CTNNA3: variants seen among roughly 807,000 people sequenced by gnomAD.
The protein encoded by CTNNA3 is catenin alpha 3, also known as catenin alpha-3.
CTNNA3 carries 76 observed loss-of-function variants against 95.7 expected under a neutral mutation model. The observed-to-expected ratio is 0.79, with a 90% CI of 0.66 to 0.96. The LOEUF is 0.96. CTNNA3 is among the 40% of genes least tolerant of loss of function. The pLI is 0.00. For synonymous variants in CTNNA3, 431 were observed against 374.4 expected, an observed-to-expected ratio of 1.15 and a Z score of -1.74; for missense variants, 1,191 against 1,089.8, an observed-to-expected ratio of 1.09 and a Z score of -1.31.
chr10:66,630,593 G>A (rs1845098404), intron 9 of CTNNA3, among the ~76,000 whole-genome samples: 1 of 152,078 alleles, frequency 6.6e-6, no homozygotes, highest in South Asian at 2.1e-4. Context: ...AACTTCCATA[G>A]ACAAATCCAA....
At chr10:67,430,047 T>A (rs1279111367) in intron 5 of CTNNA3, among the ~76,000 whole-genome samples, 1 of 152,102 alleles carries the variant, frequency 6.6e-6, no homozygotes, top group Middle Eastern at 3.4e-3. Flanking sequence ...GAGAAGAGTA[T>A]ATTACTTTCT....
chr10:66,049,110 T>G (rs1307222285), intron 15 of CTNNA3, among the ~76,000 whole-genome samples: 1 of 152,044 alleles, frequency 6.6e-6, no homozygotes, highest in Admixed American at 6.6e-5. Context: ...AACAACCTCA[T>G]TAAAAAGTGG....
In CTNNA3 at chr10:66,117,448, C is replaced by T. The variant is rs573809764; in HGVS notation, c.1885-14199G>A. Reference sequence around the variant, plus strand: ...AGATCATTTTTAATCAATTAATATACACACTTATTTTCTATTTTAAAAAAT... The same window carrying T: ...AGATCATTTTTAATCAATTAATATATACACTTATTTTCTATTTTAAAAAAT... On this transcript the variant is annotated intron_variant, in intron 13 of 17. Coordinates refer to ENST00000433211, the MANE Select transcript of CTNNA3 (RefSeq NM_013266.4). Among the ~76,000 whole-genome samples, 42 of 152,170 alleles carry T rather than the reference C, an allele frequency of 2.8e-4. No individual in the cohort carries two copies. In the South Asian group the frequency reaches 7.5e-3, roughly 27 times the overall value.
intron 5 of CTNNA3, among the ~76,000 whole-genome samples, chr10:67,347,815 A>G (rs536794071): frequency 6.9e-6 from 1 of 145,004 alleles, no homozygotes; most frequent in African/African-American, 2.5e-5. Flanking sequence ...ATAGAAAGTA[A>G]AATTTAGTGT....
intron 7 of CTNNA3, among the ~76,000 whole-genome samples, chr10:66,995,464 T>C (rs184174580): frequency 9.8e-5 from 15 of 152,318 alleles, no homozygotes; most frequent in Admixed American, 9.8e-4. Context: ...TTTTAATCCA[T>C]TCTCCAAACA....
intron 5 of CTNNA3, among the ~76,000 whole-genome samples, chr10:67,353,838 T>C (rs1045769945): frequency 2.6e-5 from 4 of 152,040 alleles, no homozygotes; most frequent in African/African-American, 9.7e-5. Context: ...GAGTCATCAC[T>C]AAAGACTGGA....
intron 2 of CTNNA3, among the ~76,000 whole-genome samples, chr10:67,629,304 GC>G (rs1461881342): frequency 1.3e-5 from 2 of 151,996 alleles, no homozygotes; most frequent in African/African-American, 4.8e-5. Context: ...GAGAAATTTG[GC>G]CTTCACCCCT....
In CTNNA3 at chr10:65,983,414, A is replaced by C. The variant is rs1007367291; in HGVS notation, c.2265+5278T>G. 2.0e-5 allele frequency among the ~76,000 whole-genome samples: 3 copies of C among 151,492 alleles called. 1 individual carries two copies. Among genetic ancestry groups the C allele is most frequent in the Non-Finnish European group, 4.4e-5 (3 of 67,554 alleles). On this transcript the variant is annotated intron_variant, in intron 16 of 17. Coordinates refer to ENST00000433211, the MANE Select transcript of CTNNA3 (RefSeq NM_013266.4). ...TCTTTTTGTGCATTATCCTTACCTT[A>C]TGAGATGTTACTTTATCTAATTTAG...
rs911556486 is a variant in CTNNA3, at chr10:67,724,335, G to T, written c.-2+39099C>A. Among the ~76,000 whole-genome samples, 25 of 152,090 alleles carry T rather than the reference G, an allele frequency of 1.6e-4. 1 individual carries two copies. On this transcript the variant is annotated intron_variant, in intron 1 of 17. Transcript: ENST00000684154. ...GGGTCTATTTTTGGTGATAATCCCT[G>T]GTATATGGTATCTCTCTAGAGTGGA...
chr10:66,831,136 A>AATC (rs1332415583), intron 7 of CTNNA3, among the ~76,000 whole-genome samples: 1 of 152,124 alleles, frequency 6.6e-6, no homozygotes, highest in African/African-American at 2.4e-5. Context: ...TACAATAATC[A>AATC]ATCTTATGTC....
chr10:65,993,972 G>C (rs57907074), intron 15 of CTNNA3, among the ~76,000 whole-genome samples: 1 of 152,012 alleles, frequency 6.6e-6, no homozygotes, highest in Non-Finnish European at 1.5e-5. Flanking sequence ...CTGACCTCGC[G>C]ATCTGCCCAC....
chr10:67,233,332 A>C (rs1865309386), intron 5 of CTNNA3, among the ~76,000 whole-genome samples: 1 of 151,784 alleles, frequency 6.6e-6, no homozygotes, highest in Admixed American at 6.6e-5. Context: ...CAGTGCAAGC[A>C]AACTAGAACT....
chr10:66,154,236 G>A (rs759893461), intron 13 of CTNNA3, among the ~76,000 whole-genome samples: 1 of 151,622 alleles, frequency 6.6e-6, no homozygotes, highest in African/African-American at 2.4e-5. Flanking sequence ...TTATAATCCA[G>A]CAAATCCTCT....
At chr10:67,598,647 A>T (rs915101451) in intron 3 of CTNNA3, among the ~76,000 whole-genome samples, 8 of 152,040 alleles carry the variant, frequency 5.3e-5, no homozygotes, top group Admixed American at 4.6e-4. Flanking sequence ...AACTGGAGAG[A>T]ATTTGACTCT....
rs548766946 is a variant in CTNNA3 at position 66,828,824 on chromosome 10, G to A, written c.1048-53300C>T. On this transcript the variant is annotated intron_variant, in intron 7 of 17. Transcript: ENST00000433211. Reference sequence around the variant, plus strand: ...CACAAGATTGATTTCTGATTCTAGTGAAACCAGAGTTACAGGGTCAGCCCC... The same window carrying A: ...CACAAGATTGATTTCTGATTCTAGTAAAACCAGAGTTACAGGGTCAGCCCC... Among the ~76,000 whole-genome samples the A allele has an allele frequency of 7.2e-5, 11 of 152,308 alleles. No homozygotes were observed. The South Asian group carries it at 2.3e-3, about 32-fold the overall frequency.
intron 10 of CTNNA3, among the ~76,000 whole-genome samples, chr10:66,597,664 A>G (rs1843770999): frequency 6.6e-6 from 1 of 150,518 alleles, no homozygotes; most frequent in South Asian, 2.1e-4. Flanking sequence ...CCCTCATGAG[A>G]TTATCAGTTG....
chr10:67,153,849 A>G (rs1262390348), intron 7 of CTNNA3, among the ~76,000 whole-genome samples: 2 of 152,116 alleles, frequency 1.3e-5, no homozygotes, highest in Non-Finnish European at 2.9e-5. Context: ...TCATAGGTAC[A>G]CTATTTAAAA....
intron 7 of CTNNA3, among the ~76,000 whole-genome samples, chr10:66,976,005 C>A (rs533934657): frequency 6.6e-6 from 1 of 152,280 alleles, no homozygotes; most frequent in East Asian, 1.9e-4. Context: ...TTCTTTTCTA[C>A]CAACTGCCCT....
chr10:67,609,344 T>C (rs1295980799), intron 2 of CTNNA3, among the ~76,000 whole-genome samples: 5 of 152,180 alleles, frequency 3.3e-5, no homozygotes, highest in African/African-American at 9.6e-5. Flanking sequence ...GCAAACTACA[T>C]AATGCTTCCT....
Sources: allele counts gnomAD v4.1 joint callset (sites outside exome capture counted in the v4.1 genomes callset), GRCh38; gene constraint gnomAD v4.1.1; transcripts MANE v1.5; gene names NCBI Gene and HGNC (gene_info 2026-07-23, HGNC 2026-07-21).